Variants in SLC9D1 observed in about 807,000 individuals in gnomAD.
SLC9D1 encodes solute carrier family 9 member D1.
At chr13:113,546,348 G>A in the SLC9D1 span, among the ~76,000 whole-genome samples, 18 of 151,950 alleles carry the variant, frequency 1.2e-4, no homozygotes, top group African/African-American at 3.9e-4. The surrounding 1 kb of genome is among the most constrained non-coding windows in gnomAD (Gnocchi z 7.1). Flanking sequence ...GACACAGTGG[G>A]GCCAGGCTGG....
the SLC9D1 span, chr13:113,506,131 G>C: frequency 5.4e-6 from 1 of 184,832 alleles, no homozygotes; most frequent in African/African-American, 2.4e-5. Context: ...GTTGTGGGTG[G>C]GGAGGGTAAG....
At chr13:113,527,251 G>A in the SLC9D1 span, 1 of 152,192 alleles carries the variant, frequency 6.6e-6, no homozygotes, top group Non-Finnish European at 1.5e-5. Context: ...TCTCATACCT[G>A]TTTTTACCCA....
chr13:113,509,755 C>T, the SLC9D1 span, among the ~76,000 whole-genome samples: 3 of 152,146 alleles, frequency 2.0e-5, no homozygotes, highest in Admixed American at 6.5e-5. Context: ...TATTATTTTA[C>T]GATTGAAGCG....
chr13:113,491,288 C>A, the SLC9D1 span: 1 of 152,650 alleles, frequency 6.6e-6, no homozygotes, highest in Non-Finnish European at 1.5e-5. Context: ...GCACCAGGCC[C>A]GTCCATCCGG....
the SLC9D1 span, among the ~76,000 whole-genome samples, chr13:113,538,548 T>A: frequency 6.6e-6 from 1 of 152,278 alleles, no homozygotes; most frequent in Non-Finnish European, 1.5e-5. Flanking sequence ...TCCGCCGTGC[T>A]GAGCCCTTGG....
the SLC9D1 span, chr13:113,529,661 A>C: frequency 6.6e-6 from 1 of 151,940 alleles, no homozygotes; most frequent in Non-Finnish European, 1.5e-5. Flanking sequence ...AAAAAAAAAA[A>C]CAAAAGAAAC....
chr13:113,511,373 G>C, the SLC9D1 span, among the ~76,000 whole-genome samples: 2 of 152,354 alleles, frequency 1.3e-5, no homozygotes, highest in South Asian at 4.1e-4. Context: ...GAGAGGCTCT[G>C]TGCCGGCAAC....
At chr13:113,515,996 G>A in the SLC9D1 span, among the ~76,000 whole-genome samples, 16,696 of 151,800 alleles carry the variant, frequency 0.11, 1,268 homozygotes, top group Admixed American at 0.24. Flanking sequence ...TTTGTGTGTG[G>A]AATCTTTAGG....
the SLC9D1 span, among the ~76,000 whole-genome samples, chr13:113,537,427 C>T: frequency 6.6e-6 from 1 of 152,258 alleles, no homozygotes; most frequent in Non-Finnish European, 1.5e-5. Flanking sequence ...TTCCACTTAG[C>T]ACCACGTCCT....
the SLC9D1 span, among the ~76,000 whole-genome samples, chr13:113,493,551 TGTGTACTTAAAGTTGTACAC>T: frequency 0.024 from 3,582 of 152,310 alleles, 89 homozygotes; most frequent in East Asian, 0.11. Context: ...AGGTGGTAAA[TGTGTACTTAAAGTTGTACAC>T]GTGTACTTAA....
chr13:113,549,628 A>T, the SLC9D1 span: 47 of 1,519,682 alleles, frequency 3.1e-5, no homozygotes, highest in Non-Finnish European at 4.3e-5. Context: ...GGAAGCTCGC[A>T]CCTTGGCAAC....
the SLC9D1 span, among the ~76,000 whole-genome samples, chr13:113,539,008 A>ACT: frequency 2.6e-5 from 4 of 152,000 alleles, no homozygotes; most frequent in African/African-American, 9.7e-5. The surrounding 1 kb of genome is among the most constrained non-coding windows in gnomAD (Gnocchi z 4.8). Context: ...CGTTTCTAAC[A>ACT]CTCCCACCGG....
the SLC9D1 span, chr13:113,539,461 C>G: frequency 1.2e-6 from 2 of 1,613,530 alleles, no homozygotes; most frequent in South Asian, 1.1e-5. This position sits in a 1 kb window ranked among gnomAD's most constrained non-coding sequence, Gnocchi z 4.8. Context: ...CCACCTCCAT[C>G]GAACCCATCC....
At chr13:113,545,781 G>A in the SLC9D1 span, 1 of 152,724 alleles carries the variant, frequency 6.5e-6, no homozygotes, top group Non-Finnish European at 1.5e-5. Flanking sequence ...GCTCAGCTGA[G>A]AGCACAGGAG....
the SLC9D1 span, among the ~76,000 whole-genome samples, chr13:113,491,735 G>T: frequency 6.6e-6 from 1 of 152,166 alleles, no homozygotes; most frequent in East Asian, 1.9e-4. Flanking sequence ...GGGCCTCCAG[G>T]GCCGGCCGCA....
At chr13:113,503,375 GTGTGTGTGTA>G in the SLC9D1 span, 12 of 622,086 alleles carry the variant, frequency 1.9e-5, no homozygotes, top group African/African-American at 1.0e-4. Flanking sequence ...GTGTGTGTGT[GTGTGTGTGTA>G]TGTGTGTTTT....
chr13:113,505,616 TG>T, the SLC9D1 span: 1 of 152,194 alleles, frequency 6.6e-6, no homozygotes. Context: ...CACCAATACA[TG>T]GGGGAAAAAT....
the SLC9D1 span, chr13:113,495,785 G>C: frequency 8.7e-6 from 14 of 1,613,970 alleles, no homozygotes; most frequent in Non-Finnish European, 1.2e-5. Context: ...ATGCAGTTCT[G>C]AACAAACTGA....
the SLC9D1 span, among the ~76,000 whole-genome samples, chr13:113,508,597 C>T: frequency 6.6e-6 from 1 of 152,200 alleles, no homozygotes. Context: ...TAGAGACTTA[C>T]CTGAGTCTCC....
Sources: gnomAD v4.1 joint callset for allele counts (sites outside exome capture counted in the v4.1 genomes callset) on GRCh38, gnomAD v4.1.1 for gene constraint, Gnocchi (gnomAD v3.1) non-coding constraint, MANE v1.5 for transcripts, NCBI Gene and HGNC (gene_info 2026-07-23, HGNC 2026-07-21) for gene names.